IL1RAPL1: variants seen among roughly 807,000 people sequenced by gnomAD.
IL1RAPL1 encodes the protein interleukin 1 receptor accessory protein like 1.
In IL1RAPL1, 3 loss-of-function variants were observed where a neutral mutation model predicts 48.4. The observed-to-expected ratio is 0.06, with a 90% CI of 0.03 to 0.16. The LOEUF is 0.16. Ranked by LOEUF, IL1RAPL1 falls within the 10% of genes least tolerant of loss-of-function variation. The pLI is 1.00. For synonymous variants in IL1RAPL1, 185 were observed against 187.7 expected (o/e 0.99, Z 0.12); for missense variants, 349 against 530.6 (o/e 0.66, Z 3.36).
intron 5 of IL1RAPL1, among the ~76,000 whole-genome samples, chrX:29,627,037 ATTAAG>A (rs1409648299): frequency 8.9e-6 from 1 of 112,649 alleles, no homozygotes; most frequent in Non-Finnish European, 1.9e-5. Context: ...ATATGTATGT[ATTAAG>A]TTATTTATTT....
intron 8 of IL1RAPL1, among the ~76,000 whole-genome samples, chrX:29,931,299 G>C (rs1221711287): frequency 1.8e-5 from 2 of 111,351 alleles, no homozygotes; most frequent in Non-Finnish European, 3.8e-5. Context: ...ATTCAACATA[G>C]AGAATAAATA....
chrX:29,676,156 A>AT (rs1170205498), intron 6 of IL1RAPL1, among the ~76,000 whole-genome samples: 1 of 111,754 alleles, frequency 8.9e-6, no homozygotes, highest in Non-Finnish European at 1.9e-5. Flanking sequence ...TTCCTAATCA[A>AT]TAAAAAAGGT....
intron 1 of IL1RAPL1, among the ~76,000 whole-genome samples, chrX:28,726,257 T>C (rs1935675590): frequency 8.9e-6 from 1 of 112,027 alleles, no homozygotes; most frequent in East Asian, 2.8e-4. Context: ...GACTCCAAAT[T>C]TTTACCATTC....
At chrX:28,990,030 T>A (rs1445855151) in intron 2 of IL1RAPL1, among the ~76,000 whole-genome samples, 2 of 110,576 alleles carry the variant, frequency 1.8e-5, no homozygotes, top group Non-Finnish European at 3.8e-5. Context: ...TATTTTCTGA[T>A]TTTTTTTTAT....
At chrX:29,061,335 G>A (rs969370317) in intron 2 of IL1RAPL1, among the ~76,000 whole-genome samples, 4 of 112,034 alleles carry the variant, frequency 3.6e-5, no homozygotes, top group African/African-American at 1.3e-4. Flanking sequence ...GATGCAGGGT[G>A]TGATAATATA....
chrX:29,298,479 A>T (rs1932481861), intron 3 of IL1RAPL1, among the ~76,000 whole-genome samples: 1 of 111,830 alleles, frequency 8.9e-6, no homozygotes, highest in Non-Finnish European at 1.9e-5. Context: ...CATCTCCAGA[A>T]CCTCAACTTT....
At chrX:29,560,262 C>A (rs965167974) in intron 5 of IL1RAPL1, among the ~76,000 whole-genome samples, 1 of 111,466 alleles carries the variant, frequency 9.0e-6, no homozygotes, top group African/African-American at 3.3e-5. Flanking sequence ...CTGCTGATAG[C>A]CTTATAAAGA....
At chrX:28,641,213 C>T (rs1240440229) in intron 1 of IL1RAPL1, among the ~76,000 whole-genome samples, 5 of 109,891 alleles carry the variant, frequency 4.5e-5, no homozygotes, top group African/African-American at 1.7e-4. Context: ...ATCCCTCCCC[C>T]AGCCCACCAC....
chrX:28,652,119 C>T (rs1237241545), intron 1 of IL1RAPL1, among the ~76,000 whole-genome samples: 2 of 111,085 alleles, frequency 1.8e-5, no homozygotes, highest in Non-Finnish European at 3.8e-5. Flanking sequence ...CTACTCAAAC[C>T]TTGATTTTTA....
At chrX:28,692,064 GAC>G in intron 1 of IL1RAPL1, among the ~76,000 whole-genome samples, 1 of 110,986 alleles carries the variant, frequency 9.0e-6, no homozygotes, top group East Asian at 2.8e-4. Context: ...GGAAGCAAGA[GAC>G]AGACAGGGGG....
intron 3 of IL1RAPL1, among the ~76,000 whole-genome samples, chrX:29,310,128 AAGAAAGG>A (rs1932697415): frequency 1.7e-5 from 1 of 58,828 alleles, no homozygotes; most frequent in African/African-American, 6.6e-5. Flanking sequence ...AAAAAAAAAA[AAGAAAGG>A]AAAAAAAAAA....
At chrX:29,619,066 C>A (rs1301173730) in intron 5 of IL1RAPL1, among the ~76,000 whole-genome samples, 2 of 111,664 alleles carry the variant, frequency 1.8e-5, no homozygotes, top group Non-Finnish European at 3.8e-5. Context: ...GTTTCAGTGA[C>A]TTCTCTAGAA....
At chrX:29,427,596 G>A (rs1405861865) in intron 5 of IL1RAPL1, among the ~76,000 whole-genome samples, 3 of 111,525 alleles carry the variant, frequency 2.7e-5, no homozygotes, top group African/African-American at 9.8e-5. Flanking sequence ...CTGGTTTGAG[G>A]TCATCACAGG....
intron 2 of IL1RAPL1, among the ~76,000 whole-genome samples, chrX:29,200,970 C>T (rs984286105): frequency 9.0e-6 from 1 of 111,336 alleles, no homozygotes; most frequent in Non-Finnish European, 1.9e-5. Context: ...CTGATCCTCT[C>T]TCTCCTGCCA....
At chrX:29,368,621 G>T (rs769160799) in intron 3 of IL1RAPL1, among the ~76,000 whole-genome samples, 108 of 100,148 alleles carry the variant, frequency 1.1e-3, no homozygotes, top group African/African-American at 3.4e-3. Context: ...TAGAGACAGG[G>T]TCTCCCTAGG....
At chrX:28,973,304 C>G (rs1422504245) in intron 2 of IL1RAPL1, among the ~76,000 whole-genome samples, 2 of 110,052 alleles carry the variant, frequency 1.8e-5, no homozygotes, top group African/African-American at 7.0e-5. Flanking sequence ...CTACCCATCT[C>G]AAACCAATGC....
chrX:28,630,447 G>T (rs1934386657), intron 1 of IL1RAPL1, among the ~76,000 whole-genome samples: 1 of 111,408 alleles, frequency 9.0e-6, no homozygotes, highest in South Asian at 3.8e-4. Flanking sequence ...GGGTGAAGCA[G>T]GTTGTGCACA....
intron 2 of IL1RAPL1, among the ~76,000 whole-genome samples, chrX:28,844,704 C>T (rs1039028094): frequency 9.0e-6 from 1 of 111,150 alleles, no homozygotes; most frequent in African/African-American, 3.3e-5. Context: ...CTCTTTATGT[C>T]TCTTGACATA....
chrX:29,601,078 G>A (rs1923704551), intron 5 of IL1RAPL1, among the ~76,000 whole-genome samples: 1 of 111,375 alleles, frequency 9.0e-6, no homozygotes, highest in African/African-American at 3.3e-5. Context: ...TCCTTCAAAG[G>A]GTCTGTGGAT....
Sources: allele counts gnomAD v4.1 joint callset (sites outside exome capture counted in the v4.1 genomes callset), GRCh38; gene constraint gnomAD v4.1.1; transcripts MANE v1.5; gene names NCBI Gene and HGNC (gene_info 2026-07-23, HGNC 2026-07-21).